The following EMSY variants were observed in gnomAD, a reference collection of about 807,000 sequenced individuals.
EMSY encodes BRCA2-interacting transcriptional repressor EMSY.
A neutral mutation model predicts 134.6 loss-of-function variants in EMSY; 26 were observed. The observed-to-expected ratio is 0.19, with a 90% confidence interval of 0.14 to 0.27. EMSY has a LOEUF of 0.27. EMSY is among the 10% of genes least tolerant of loss of function. EMSY has a pLI of 1.00. For synonymous variants in EMSY, 579 were observed against 577.8 expected, an observed-to-expected ratio of 1.00 and a Z score of -0.03; for missense variants, 1,305 against 1,611.4, an observed-to-expected ratio of 0.81 and a Z score of 3.26.
chr11:76,480,561 G>A (rs943543812), intron 8 of EMSY, among the ~76,000 whole-genome samples: 2 of 152,116 alleles, frequency 1.3e-5, no homozygotes, highest in Non-Finnish European at 2.9e-5. Flanking sequence ...TCAGCCATGC[G>A]GCCAAGGTAT....
intron 2 of EMSY, among the ~76,000 whole-genome samples, chr11:76,449,656 A>G (rs1029214504): frequency 2.0e-5 from 3 of 152,140 alleles, no homozygotes; most frequent in Non-Finnish European, 2.9e-5. Flanking sequence ...CAATCAATCA[A>G]TTACTGAGTC....
chr11:76,483,440 T>C (rs1949059881), intron 8 of EMSY, among the ~76,000 whole-genome samples: 1 of 152,108 alleles, frequency 6.6e-6, no homozygotes, highest in Non-Finnish European at 1.5e-5. Flanking sequence ...AATGCCCCAA[T>C]TAAAAAACAC....
chr11:76,513,246 T>G (rs909354277), intron 9 of EMSY, 140 bp from the exon 11 acceptor site: 1 of 597,602 alleles, frequency 1.7e-6, no homozygotes, highest in Non-Finnish European at 2.6e-6. Flanking sequence ...AATAAAAGTT[T>G]AGAGTTTCAT....
chr11:76,484,353 G>A (rs187601532), intron 8 of EMSY, among the ~76,000 whole-genome samples: 1 of 152,204 alleles, frequency 6.6e-6, no homozygotes, highest in African/African-American at 2.4e-5. Context: ...AGAGAAGCAA[G>A]AGCAAACACA....
At chr11:76,517,528 C>T (rs563845728) in intron 11 of EMSY, among the ~76,000 whole-genome samples, 6 of 152,058 alleles carry the variant, frequency 3.9e-5, no homozygotes, top group African/African-American at 1.4e-4. Context: ...AAGGATTTTT[C>T]TTTACTTATA....
chr11:76,456,531 G>A (rs1947879654), intron 4 of EMSY, among the ~76,000 whole-genome samples: 1 of 152,136 alleles, frequency 6.6e-6, no homozygotes, highest in Non-Finnish European at 1.5e-5. Context: ...ATAAAAGTAA[G>A]CCAAGAATAT....
chr11:76,489,643 C>T lies in EMSY; in HGVS notation c.1109-6572C>T, dbSNP rs1476947404. 3.5e-5 allele frequency among the ~76,000 whole-genome samples: 5 copies of T among 143,604 alleles called. No homozygotes were observed. In the East Asian group the frequency reaches 6.1e-4, roughly 18 times the overall value. The allele number at this position is 143,604 out of a possible 152,430, so 94.2% of individuals were successfully genotyped here. ...TTTTTGAGATGGAGTCTTGCTCTAT[C>T]GCCCAGGCTGGAGTACAGTGGCGTG... is the stretch of plus-strand genomic sequence containing the variant. On this transcript the variant is annotated intron_variant, in intron 8 of 20. Transcript: ENST00000334736.
exon 21 of EMSY, chr11:76,551,080 T>C (rs1238579006): frequency 6.5e-6 from 1 of 152,806 alleles, no homozygotes; most frequent in Non-Finnish European, 1.5e-5. Context: ...ACTGAGACTT[T>C]GAAAATAACT....
chr11:76,516,362 G>GA (rs745953256), intron 11 of EMSY, 50 bp downstream of exon 12: 19,002 of 1,177,498 alleles, frequency 0.016, 36 homozygotes, highest in African/African-American at 0.047. Flanking sequence ...TCATTGAGAG[G>GA]AAAAAAAAAA....
intron 16 of EMSY, among the ~76,000 whole-genome samples, chr11:76,539,180 CTTTGAAA>C (rs758852653): frequency 2.6e-5 from 4 of 152,080 alleles, no homozygotes; most frequent in Admixed American, 6.5e-5. Flanking sequence ...CACTTTATTA[CTTTGAAA>C]TTTGAAATAG....
intron 7 of EMSY, among the ~76,000 whole-genome samples, chr11:76,469,917 A>T (rs571634250): frequency 1.3e-5 from 2 of 152,338 alleles, no homozygotes; most frequent in Admixed American, 1.3e-4. Context: ...ATCTATAAAT[A>T]TGCTGGTTGA....
chr11:76,488,717 T>A (rs560805578), intron 8 of EMSY, among the ~76,000 whole-genome samples: 1 of 152,184 alleles, frequency 6.6e-6, no homozygotes, highest in African/African-American at 2.4e-5. Flanking sequence ...GAAGGGAGGC[T>A]CAAGTTAGGC....
chr11:76,545,706 A>C, intron 19 of EMSY, 91 bp from the exon 21 acceptor site: 2 of 1,422,708 alleles, frequency 1.4e-6, no homozygotes, highest in East Asian at 4.6e-5. Context: ...ATAGCGCACG[A>C]ATGTTTCTTT....
intron 3 of EMSY, among the ~76,000 whole-genome samples, chr11:76,452,720 C>T (rs1947717878): frequency 6.6e-6 from 1 of 152,064 alleles, no homozygotes; most frequent in South Asian, 2.1e-4. Context: ...AATATAAGCA[C>T]ATTTTTACCA....
chr11:76,455,460 C>T (rs1947830678), intron 4 of EMSY, among the ~76,000 whole-genome samples: 1 of 152,040 alleles, frequency 6.6e-6, no homozygotes, highest in Admixed American at 6.6e-5. Flanking sequence ...GAGCCTAGTT[C>T]CAAAGATTAT....
rs78264095 is a variant in EMSY, at chr11:76,449,501, C to T, written c.71-2357C>T. Among the ~76,000 whole-genome samples the T allele has an allele frequency of 4.7e-3, 711 of 152,220 alleles. 4 individuals carry two copies. Among genetic ancestry groups the T allele is most frequent in the African/African-American group, 0.016 (666 of 41,540 alleles). ...AGTAATGTCTTGATCATCATAAATT[C>T]CACAGGTCACAAGTGTCAACTTCTT... On this transcript the variant is annotated intron_variant, in intron 2 of 20. Transcript: ENST00000334736.
intron 8 of EMSY, among the ~76,000 whole-genome samples, chr11:76,480,393 A>G (rs1948924289): frequency 6.6e-6 from 1 of 152,204 alleles, no homozygotes; most frequent in Non-Finnish European, 1.5e-5. Flanking sequence ...TGGTTTCCAA[A>G]CATCTTGTAC....
chr11:76,552,489 TAAC>T (rs1951859353), downstream of EMSY: 2 of 152,356 alleles, frequency 1.3e-5, no homozygotes, highest in African/African-American at 2.4e-5. Flanking sequence ...TGAAGGATAT[TAAC>T]AAATTACAAT....
At chr11:76,479,100 A>G (rs1192105785) in intron 8 of EMSY, among the ~76,000 whole-genome samples, 1 of 152,214 alleles carries the variant, frequency 6.6e-6, no homozygotes, top group African/African-American at 2.4e-5. Flanking sequence ...GTTTTAAAAA[A>G]AAAATGGGGC....
Sources: allele counts gnomAD v4.1 joint callset (sites outside exome capture counted in the v4.1 genomes callset), GRCh38; gene constraint gnomAD v4.1.1; transcripts MANE v1.5; gene names NCBI Gene and HGNC (gene_info 2026-07-23, HGNC 2026-07-21).